The following RAD51B variants were observed in gnomAD, a reference collection of about 807,000 sequenced individuals.
RAD51B encodes DNA repair protein RAD51 homolog 2.
RAD51B carries 38 observed loss-of-function variants against 42.2 expected under a neutral mutation model. That is an observed-to-expected ratio of 0.90 (90% CI 0.70 to 1.18). The LOEUF (loss-of-function observed/expected upper bound fraction) is 1.18, where lower values mean the gene tolerates loss of function less well. Ranked by LOEUF, RAD51B falls within the 50% of genes most tolerant of loss-of-function variation. RAD51B has a pLI of 0.00. For synonymous variants in RAD51B, 154 were observed against 145.2 expected (o/e 1.06, Z -0.43); for missense variants, 373 against 400.7 (o/e 0.93, Z 0.59).
intron 7 of RAD51B, among the ~76,000 whole-genome samples, chr14:68,286,527 G>A (rs2081417130): frequency 6.6e-6 from 1 of 152,196 alleles, no homozygotes; most frequent in South Asian, 2.1e-4. Flanking sequence ...TTCTATCAAA[G>A]GCTGTGTCTT....
intron 7 of RAD51B, among the ~76,000 whole-genome samples, chr14:68,224,541 ATATT>A: frequency 6.6e-6 from 1 of 152,296 alleles, no homozygotes; most frequent in East Asian, 1.9e-4. Flanking sequence ...TGATCTATTC[ATATT>A]TATTCAGTTC....
At chr14:67,928,276 C>T (rs368168468) in intron 7 of RAD51B, among the ~76,000 whole-genome samples, 5 of 152,102 alleles carry the variant, frequency 3.3e-5, no homozygotes, top group East Asian at 1.9e-4. Context: ...CTTGGTCTTG[C>T]GCTGATTTAG....
At chr14:68,446,381 C>A (rs558141834) in intron 9 of RAD51B, among the ~76,000 whole-genome samples, 1 of 152,176 alleles carries the variant, frequency 6.6e-6, no homozygotes, top group African/African-American at 2.4e-5. Flanking sequence ...CCCTTGATCT[C>A]TTACCCCTTC....
chr14:68,683,081 A>T (rs900782454), intron 11 of RAD51B: 5 of 488,092 alleles, frequency 1.0e-5, no homozygotes, highest in African/African-American at 2.3e-5. Context: ...CAGAAAAAAA[A>T]TGGGGCCTGC....
intron 5 of RAD51B, among the ~76,000 whole-genome samples, chr14:67,869,136 C>G (rs1360771896): frequency 6.6e-6 from 1 of 152,118 alleles, no homozygotes; most frequent in East Asian, 1.9e-4. Context: ...TCAAATTACT[C>G]CGAGCTACGG....
At chr14:68,571,295 A>G (rs1259949168) in intron 10 of RAD51B, among the ~76,000 whole-genome samples, 2 of 152,234 alleles carry the variant, frequency 1.3e-5, no homozygotes, top group African/African-American at 4.8e-5. Flanking sequence ...TAGTAGCTTC[A>G]ACAGTACAAA....
chr14:67,948,883 G>C (rs1258495880), intron 7 of RAD51B, among the ~76,000 whole-genome samples: 9 of 122,006 alleles, frequency 7.4e-5, no homozygotes, highest in Non-Finnish European at 1.1e-4. Flanking sequence ...AGTGAGCTGA[G>C]ATCACGCCGC....
At chr14:67,996,581 G>A (rs1255759337) in intron 7 of RAD51B, among the ~76,000 whole-genome samples, 1 of 152,166 alleles carries the variant, frequency 6.6e-6, no homozygotes, top group African/African-American at 2.4e-5. Context: ...AGCATGCTTG[G>A]TGAGTTCAAG....
At chr14:68,651,247 C>T (rs1892691927) in intron 11 of RAD51B, among the ~76,000 whole-genome samples, 1 of 152,212 alleles carries the variant, frequency 6.6e-6, no homozygotes. Flanking sequence ...TCATGGCTCA[C>T]TGCAACCTCC....
intron 7 of RAD51B, among the ~76,000 whole-genome samples, chr14:67,992,254 T>G (rs1403278112): frequency 6.6e-6 from 1 of 152,176 alleles, no homozygotes; most frequent in Non-Finnish European, 1.5e-5. Context: ...TCTCCTGATA[T>G]TTGATGGGCA....
At chr14:68,039,898 C>T (rs2140392623) in intron 7 of RAD51B, among the ~76,000 whole-genome samples, 1 of 152,310 alleles carries the variant, frequency 6.6e-6, no homozygotes, top group South Asian at 2.1e-4. Flanking sequence ...AATGGTGTTA[C>T]ACTACTTTTG....
chr14:68,586,402 G>C (rs182612291), intron 10 of RAD51B, among the ~76,000 whole-genome samples: 1 of 152,142 alleles, frequency 6.6e-6, no homozygotes. Context: ...GAACCTCACC[G>C]GCCCTTGTGC....
chr14:68,639,404 G>C (rs4516148), intron 10 of RAD51B, among the ~76,000 whole-genome samples: 32,372 of 119,308 alleles, frequency 0.27, 3,725 homozygotes, highest in African/African-American at 0.31. Context: ...TTATGAGCCA[G>C]GCATTCCACC....
intron 10 of RAD51B, among the ~76,000 whole-genome samples, chr14:68,623,095 A>G (rs1891991765): frequency 6.6e-6 from 1 of 152,088 alleles, no homozygotes; most frequent in African/African-American, 2.4e-5. Context: ...TCTTTTTCTC[A>G]TAAGAGGGTG....
intron 7 of RAD51B, among the ~76,000 whole-genome samples, chr14:68,007,411 T>C (rs1045264486): frequency 4.6e-5 from 7 of 152,126 alleles, no homozygotes; most frequent in African/African-American, 1.4e-4. Context: ...ATAGTAATCC[T>C]ATGTTTAACT....
At chr14:68,295,234 A>G (rs1349022339) in intron 8 of RAD51B, among the ~76,000 whole-genome samples, 3 of 152,152 alleles carry the variant, frequency 2.0e-5, no homozygotes, top group Non-Finnish European at 4.4e-5. Context: ...TGGGAGCTGG[A>G]TAACTCAACA....
At chr14:67,893,246 G>T (rs1292918020) in intron 7 of RAD51B, among the ~76,000 whole-genome samples, 2 of 151,850 alleles carry the variant, frequency 1.3e-5, no homozygotes, top group Non-Finnish European at 2.9e-5. Context: ...GGAGAAGCTG[G>T]GTGAAGGGCA....
chr14:68,598,499 G>A (rs1490873074), downstream of RAD51B, among the ~76,000 whole-genome samples: 4 of 152,230 alleles, frequency 2.6e-5, no homozygotes, highest in Non-Finnish European at 5.9e-5. Flanking sequence ...AAACTAAAGT[G>A]TAGAGAAGGG....
chr14:68,664,629 C>T (rs1459507600), intron 11 of RAD51B, among the ~76,000 whole-genome samples: 3 of 152,152 alleles, frequency 2.0e-5, no homozygotes, highest in African/African-American at 4.8e-5. Context: ...TTCCTCACCC[C>T]GGGATACCTA....
Sources: allele counts gnomAD v4.1 joint callset (sites outside exome capture counted in the v4.1 genomes callset), GRCh38; gene constraint gnomAD v4.1.1; transcripts MANE v1.5; gene names NCBI Gene and HGNC (gene_info 2026-07-23, HGNC 2026-07-21).